ZNF880: variants seen among roughly 807,000 people sequenced by gnomAD.
ZNF880 encodes the protein zinc finger protein 880.
In ZNF880, 12 loss-of-function variants were observed where a neutral mutation model predicts 11.8. That is an observed-to-expected ratio of 1.02 (90% CI 0.65 to 1.65). The LOEUF is 1.65. Ranked by LOEUF, ZNF880 falls within the 40% of genes most tolerant of loss-of-function variation. The pLI, the probability that ZNF880 is intolerant of heterozygous loss-of-function variation, is 0.00. For synonymous variants in ZNF880, 210 were observed against 232.4 expected (o/e 0.90, Z 0.88); for missense variants, 601 against 673.9 (o/e 0.89, Z 1.20).
At chr19:52,392,426 A>G in the ZNF880 span, among the ~76,000 whole-genome samples, 22 of 152,206 alleles carry the variant, frequency 1.4e-4, no homozygotes, top group East Asian at 4.3e-3. Flanking sequence ...TCAGACTCCC[A>G]GGGAGCTGGG....
chr19:52,386,533 T>C (rs1163688074), downstream of ZNF880, among the ~76,000 whole-genome samples: 1 of 143,744 alleles, frequency 7.0e-6, no homozygotes, highest in East Asian at 2.0e-4. Context: ...CTGGGCGCGG[T>C]GGCTCACACC....
upstream of ZNF880, chr19:52,367,114 T>TG (rs1388625386): frequency 1.5e-5 from 1 of 67,540 alleles, no homozygotes; most frequent in African/African-American, 3.5e-4. Context: ...AAGTTTAAAG[T>TG]TTTTTTTTAG....
intron 3 of ZNF880, among the ~76,000 whole-genome samples, chr19:52,376,509 C>CTTTTTTTTTTTTTTTTTTTT (rs869288387): frequency 3.4e-5 from 2 of 58,324 alleles, no homozygotes; most frequent in African/African-American, 7.3e-5. Flanking sequence ...CCCCCCCCCC[C>CTTTTTTTTTTTTTTTTTTTT]TTTTTTTTTT....
At chr19:52,395,059 G>A in the ZNF880 span, among the ~76,000 whole-genome samples, 1 of 152,168 alleles carries the variant, frequency 6.6e-6, no homozygotes, top group Non-Finnish European at 1.5e-5. Flanking sequence ...AGGTCATAGG[G>A]ATGTAGCTAC....
chr19:52,393,848 T>TC, the ZNF880 span, among the ~76,000 whole-genome samples: 1 of 146,324 alleles, frequency 6.8e-6, no homozygotes, highest in Non-Finnish European at 1.5e-5. Flanking sequence ...TTTTTTTTTT[T>TC]TTTTTTGAGA....
upstream of ZNF880, among the ~76,000 whole-genome samples, chr19:52,369,108 A>AT (rs1249168284): frequency 1.3e-5 from 2 of 151,016 alleles, no homozygotes; most frequent in African/African-American, 4.9e-5. Flanking sequence ...CACGCCTGTA[A>AT]TCCCAACATT....
intron 3 of ZNF880, among the ~76,000 whole-genome samples, chr19:52,377,444 A>G (rs1385137270): frequency 6.6e-6 from 1 of 152,144 alleles, no homozygotes; most frequent in African/African-American, 2.4e-5. Flanking sequence ...GTGGCCATCT[A>G]ATAGTTTTCT....
intron 1 of ZNF880, among the ~76,000 whole-genome samples, chr19:52,372,693 A>G (rs1199102013): frequency 2.0e-5 from 3 of 150,222 alleles, no homozygotes; most frequent in Admixed American, 2.0e-4. Context: ...CGAAGTCAGG[A>G]GATCGAGACC....
chr19:52,388,282 C>CTTTTTTGTTTTTTTTTTTT (rs1986945881), downstream of ZNF880, among the ~76,000 whole-genome samples: 1 of 63,424 alleles, frequency 1.6e-5, no homozygotes, highest in Non-Finnish European at 2.6e-5. Context: ...GCAATTTGAA[C>CTTTTTTGTTTTTTTTTTTT]TTTTTTTTTT....
intron 1 of ZNF880, among the ~76,000 whole-genome samples, 158 bp from the exon 2 acceptor site, chr19:52,372,953 T>G (rs1004845672): frequency 2.1e-5 from 3 of 145,036 alleles, no homozygotes; most frequent in African/African-American, 7.7e-5. Flanking sequence ...TAACTTCTAA[T>G]GGAGAAGTAT....
At chr19:52,389,938 C>T (rs894039202), downstream of ZNF880, 4 of 152,276 alleles carry the variant, frequency 2.6e-5, no homozygotes, top group Admixed American at 2.0e-4. Context: ...TTGAGCCCTC[C>T]AAACTGTTCC....
At chr19:52,395,371 G>C in the ZNF880 span, among the ~76,000 whole-genome samples, 2 of 152,166 alleles carry the variant, frequency 1.3e-5, no homozygotes, top group African/African-American at 4.8e-5. Flanking sequence ...GTAAGGATTG[G>C]TAGGTGATCT....
chr19:52,384,035 G>T lies in ZNF880; in HGVS notation c.455G>T (p.Ser152Ile), dbSNP rs1210832058. 6.4e-7 allele frequency: 1 copy of T among 1,556,724 alleles called. No homozygotes were observed. The highest frequency in any genetic ancestry group is 2.0e-5 in the Admixed American group (1 of 51,192). Residue 152 changes from serine (S) to isoleucine (I), a missense_variant, in exon 4 of 4, where the codon AGT (serine) becomes ATT (isoleucine). Physicochemically the swap from Ser to Ile is moderately radical, Grantham distance 142 (BLOSUM62 -2). Around this residue, in one of 3 missense-constraint regions of ZNF880, gnomAD observed 420 missense variants for 442.6 expected, o/e 0.95. Transcript: ENST00000422689. The part of the protein sequence containing the change: ...LVSPLQKIYS[S>I]VKSHILNKYR... ...TCACCACTTCAAAAAATTTATTCTA[G>T]TGTCAAATCCCACATTTTAAATAAA...
At chr19:52,388,144 C>T (rs554070201), downstream of ZNF880, among the ~76,000 whole-genome samples, 334 of 151,142 alleles carry the variant, frequency 2.2e-3, 17 homozygotes, top group African/African-American at 7.5e-3. Flanking sequence ...TCCCAAAGTG[C>T]GGGGATTACA....
chr19:52,377,712 A>G (rs1420222790), intron 3 of ZNF880, among the ~76,000 whole-genome samples: 1 of 152,204 alleles, frequency 6.6e-6, no homozygotes, highest in Non-Finnish European at 1.5e-5. Flanking sequence ...GTTTTGAAGG[A>G]TACAGATGAA....
chr19:52,368,713 AT>A (rs1285403703), upstream of ZNF880, among the ~76,000 whole-genome samples: 1 of 151,920 alleles, frequency 6.6e-6, no homozygotes, highest in Non-Finnish European at 1.5e-5. Flanking sequence ...ATATTTTTAC[AT>A]TTTTTTCCTA....
intron 3 of ZNF880, among the ~76,000 whole-genome samples, chr19:52,383,306 T>G (rs573817366): frequency 6.6e-6 from 1 of 152,312 alleles, no homozygotes; most frequent in Admixed American, 6.5e-5. Flanking sequence ...TTTGTGGAGA[T>G]TGATTGATTG....
At chr19:52,373,297 G>A (rs1230651978) in intron 2 of ZNF880, 60 bp downstream of exon 2, 14 of 1,547,642 alleles carry the variant, frequency 9.0e-6, no homozygotes, top group Admixed American at 5.7e-5. Flanking sequence ...GCATTTTGTC[G>A]TGTGCCTCTT....
intron 3 of ZNF880, among the ~76,000 whole-genome samples, chr19:52,375,537 G>A (rs1231685093): frequency 6.6e-6 from 1 of 152,078 alleles, no homozygotes; most frequent in Non-Finnish European, 1.5e-5. Flanking sequence ...TGGGGAACAA[G>A]TGGCATTTGG....
Sources: allele counts gnomAD v4.1 joint callset (sites outside exome capture counted in the v4.1 genomes callset), GRCh38; gene constraint gnomAD v4.1.1; regional missense constraint gnomAD v4.1.1; transcripts MANE v1.5; gene names NCBI Gene and HGNC (gene_info 2026-07-23, HGNC 2026-07-21).